The following FAM156A variants were observed in gnomAD, a reference collection of about 807,000 sequenced individuals.
FAM156A encodes family with sequence similarity 156 member A.
chrX:52,993,738 C>T (rs1195062556), intron 1 of FAM156A, among the ~76,000 whole-genome samples: 2 of 111,543 alleles, frequency 1.8e-5, no homozygotes, highest in Non-Finnish European at 3.8e-5. Context: ...CTACGTAGCA[C>T]TTACCACACT....
At chrX:52,976,863 AAC>A (rs1445592859) in intron 1 of FAM156A, among the ~76,000 whole-genome samples, 2 of 110,346 alleles carry the variant, frequency 1.8e-5, no homozygotes, top group African/African-American at 6.6e-5. Context: ...TATATATAAT[AAC>A]AGTCACTTAG....
rs184927123 is a variant in FAM156A at position 52,980,141 on chromosome X, G to C, written c.-434+15165C>G. ...TGTAAACTGGGTGGCGGGGGCCGGG[G>C]CTTGTATGTTGCTTCACCTGGAAAC... On this transcript the variant is annotated intron_variant, in intron 1 of 4. Coordinates refer to the FAM156A transcript ENST00000610625. Among the ~76,000 whole-genome samples, 43 of 112,119 alleles carry C rather than the reference G, an allele frequency of 3.8e-4. No homozygotes were observed. In the East Asian group the frequency reaches 9.6e-3, roughly 25 times the overall value.
intron 1 of FAM156A, among the ~76,000 whole-genome samples, chrX:52,974,944 G>C (rs1454645962): frequency 9.1e-6 from 1 of 110,259 alleles, no homozygotes; most frequent in Non-Finnish European, 1.9e-5. Context: ...GCCTACGTGC[G>C]GGAATGAGCA....
intron 1 of FAM156A, among the ~76,000 whole-genome samples, chrX:52,991,041 C>T (rs1930729887): frequency 9.0e-6 from 1 of 111,089 alleles, no homozygotes; most frequent in South Asian, 3.8e-4. Context: ...GGTGGTCAGC[C>T]AGTGTCTGGT....
chrX:52,980,022 T>C (rs1285510310), intron 1 of FAM156A, among the ~76,000 whole-genome samples: 1 of 112,572 alleles, frequency 8.9e-6, no homozygotes, highest in Non-Finnish European at 1.9e-5. Flanking sequence ...TGGAAGCGGC[T>C]ACTGGCATTT....
intron 1 of FAM156A, among the ~76,000 whole-genome samples, chrX:52,993,274 AATT>A (rs2146639687): frequency 9.0e-6 from 1 of 110,698 alleles, no homozygotes; most frequent in East Asian, 2.8e-4. Context: ...TCCCTCAGGT[AATT>A]GCAAGGCCTG....
At chrX:52,987,746 C>T (rs1427149293) in intron 1 of FAM156A, among the ~76,000 whole-genome samples, 1 of 110,979 alleles carries the variant, frequency 9.0e-6, no homozygotes, top group Non-Finnish European at 1.9e-5. Context: ...ATTGGACATC[C>T]AGGATATTTA....
At chrX:52,985,095 T>C (rs1183904791) in intron 1 of FAM156A, among the ~76,000 whole-genome samples, 1 of 110,929 alleles carries the variant, frequency 9.0e-6, no homozygotes, top group Non-Finnish European at 1.9e-5. Context: ...CATGAGGATA[T>C]ACATTCTTTT....
At chrX:52,976,817 C>T (rs1929504755) in intron 1 of FAM156A, among the ~76,000 whole-genome samples, 1 of 110,178 alleles carries the variant, frequency 9.1e-6, no homozygotes, top group Admixed American at 9.8e-5. Flanking sequence ...CCTGTATTAT[C>T]GAAATATGAC....
At chrX:52,984,761 C>G (rs1286466529) in intron 1 of FAM156A, among the ~76,000 whole-genome samples, 1 of 110,308 alleles carries the variant, frequency 9.1e-6, no homozygotes, top group African/African-American at 3.3e-5. Flanking sequence ...CCCAGCTACT[C>G]AGGAGGCTGA....
At chrX:52,982,344 C>T (rs1929970193) in intron 1 of FAM156A, among the ~76,000 whole-genome samples, 1 of 110,971 alleles carries the variant, frequency 9.0e-6, no homozygotes, top group South Asian at 3.8e-4. Flanking sequence ...ATCCCAGCTA[C>T]TCGAGAGGCT....
intron 1 of FAM156A, among the ~76,000 whole-genome samples, chrX:52,991,065 G>A (rs1336873224): frequency 1.8e-5 from 2 of 111,595 alleles, no homozygotes; most frequent in Non-Finnish European, 3.8e-5. Flanking sequence ...GAATCACGGT[G>A]AGGTGAATAC....
At position 52,990,111 on chromosome X, in the gene FAM156A, C is replaced by A. The variant is rs1291428772; in HGVS notation, c.-434+5195G>T. Among the ~76,000 whole-genome samples the A allele has an allele frequency of 3.6e-5, 4 of 110,814 alleles. No individual in the cohort carries two copies. The Admixed American group carries it at 3.8e-4, about 11-fold the overall frequency. ...GCAGAGAGGGAGGCTCCAAGAGACA[C>A]CCAGCCTGGAGCTCATGCACCCTGA... On this transcript the variant is annotated intron_variant, in intron 1 of 4. Coordinates refer to the FAM156A transcript ENST00000610625.
At chrX:52,994,667 C>T (rs1556796290) in intron 1 of FAM156A, among the ~76,000 whole-genome samples, 2 of 111,066 alleles carry the variant, frequency 1.8e-5, no homozygotes, top group African/African-American at 6.6e-5. Context: ...CACAAATGTC[C>T]AAAAAGCTCA....
chrX:52,975,401 A>G (rs1225542890), intron 1 of FAM156A, among the ~76,000 whole-genome samples: 2 of 111,870 alleles, frequency 1.8e-5, no homozygotes, highest in East Asian at 5.6e-4. Flanking sequence ...GCAGCTTCTC[A>G]CCACAGTAAC....
At chrX:52,985,561 C>T (rs1407110631) in intron 1 of FAM156A, among the ~76,000 whole-genome samples, 2 of 104,284 alleles carry the variant, frequency 1.9e-5, no homozygotes, top group South Asian at 8.0e-4. Context: ...GAGCTGAAAT[C>T]GATAAGACTG....
rs782797924 is a variant in FAM156A, at chrX:52,980,614, C to T, written c.-434+14692G>A. On this transcript the variant is annotated intron_variant, in intron 1 of 4. Transcript: ENST00000610625. Reference sequence around the variant, plus strand: ...ATCTCTACATGGTTGGATGACCAAACGCTGAGTCACAGTGATGAGCCCCAT... The same window carrying T: ...ATCTCTACATGGTTGGATGACCAAATGCTGAGTCACAGTGATGAGCCCCAT... 2.2e-4 allele frequency among the ~76,000 whole-genome samples: 25 copies of T among 111,653 alleles called. No individual in the cohort carries two copies. The South Asian group carries it at 3.7e-3, about 17-fold the overall frequency.
At chrX:52,986,745 T>C (rs1244840326) in intron 1 of FAM156A, among the ~76,000 whole-genome samples, 1 of 111,637 alleles carries the variant, frequency 9.0e-6, no homozygotes, top group African/African-American at 3.3e-5. Context: ...CTACACCTTA[T>C]ATTATACTTA....
chrX:52,989,793 G>A (rs951127174), intron 1 of FAM156A, among the ~76,000 whole-genome samples: 1 of 112,038 alleles, frequency 8.9e-6, no homozygotes, highest in East Asian at 2.8e-4. Flanking sequence ...CTTTTCCTGA[G>A]CCCCAGGCTC....
Sources: allele counts gnomAD v4.1 joint callset (sites outside exome capture counted in the v4.1 genomes callset), GRCh38; gene constraint gnomAD v4.1.1; transcripts MANE v1.5; gene names NCBI Gene and HGNC (gene_info 2026-07-23, HGNC 2026-07-21).